The following CNTNAP2 variants were observed in gnomAD, a reference collection of about 807,000 sequenced individuals.
The protein encoded by CNTNAP2 is contactin-associated protein-like 2.
A neutral mutation model predicts 155.2 loss-of-function variants in CNTNAP2; 98 were observed. The ratio of observed to expected loss-of-function variants is 0.63; its 90% CI spans 0.54 to 0.75. CNTNAP2 has a LOEUF of 0.75. Ranked by LOEUF, CNTNAP2 falls within the 30% of genes least tolerant of loss-of-function variation. CNTNAP2 has a pLI of 0.00. For missense variants in CNTNAP2, 1,727 were observed against 1,688.1 expected, an observed-to-expected ratio of 1.02 and a Z score of -0.40; for synonymous variants, 651 against 631.2, an observed-to-expected ratio of 1.03 and a Z score of -0.47.
chr7:147,829,289 T>A (rs555288033), intron 13 of CNTNAP2, among the ~76,000 whole-genome samples: 36 of 152,298 alleles, frequency 2.4e-4, no homozygotes, highest in African/African-American at 8.7e-4. Flanking sequence ...AAATCAATCA[T>A]GCCACAGGAG....
At chr7:146,684,337 A>G (rs1156254391) in intron 1 of CNTNAP2, among the ~76,000 whole-genome samples, 1 of 152,136 alleles carries the variant, frequency 6.6e-6, no homozygotes, top group Non-Finnish European at 1.5e-5. Flanking sequence ...TGAGAATAAA[A>G]CAAAAATTCC....
chr7:147,462,247 C>T (rs1164579993), intron 10 of CNTNAP2, among the ~76,000 whole-genome samples: 2 of 152,138 alleles, frequency 1.3e-5, no homozygotes, highest in Non-Finnish European at 1.5e-5. Flanking sequence ...CCTGCCCATG[C>T]GTCTACGAAA....
At chr7:147,333,235 T>A (rs988314980) in intron 9 of CNTNAP2, among the ~76,000 whole-genome samples, 3 of 152,146 alleles carry the variant, frequency 2.0e-5, no homozygotes, top group Non-Finnish European at 4.4e-5. Flanking sequence ...GGCATAGTGA[T>A]GACTACAGAG....
chr7:147,862,592 A>G (rs1166202746), intron 13 of CNTNAP2, among the ~76,000 whole-genome samples: 2 of 151,712 alleles, frequency 1.3e-5, no homozygotes, highest in Non-Finnish European at 2.9e-5. Context: ...TTACATTAGC[A>G]CTCAGCTTTG....
chr7:146,368,160 T>C (rs1465118940), intron 1 of CNTNAP2, among the ~76,000 whole-genome samples: 2 of 152,150 alleles, frequency 1.3e-5, no homozygotes, highest in African/African-American at 4.8e-5. Flanking sequence ...TATGTGTGTG[T>C]TTTCTCCCTT....
At chr7:147,191,334 G>A (rs185514400) in intron 8 of CNTNAP2, among the ~76,000 whole-genome samples, 23 of 152,280 alleles carry the variant, frequency 1.5e-4, no homozygotes, top group Admixed American at 5.2e-4. Flanking sequence ...TAACATTTGC[G>A]TTAAAGTTAA....
chr7:147,495,467 C>A (rs7780096), intron 11 of CNTNAP2, among the ~76,000 whole-genome samples: 7 of 151,998 alleles, frequency 4.6e-5, no homozygotes, highest in Admixed American at 2.6e-4. Context: ...CACCACTGCC[C>A]TGTTTCATTA....
At chr7:146,651,786 G>A (rs1799916306) in intron 1 of CNTNAP2, among the ~76,000 whole-genome samples, 1 of 152,122 alleles carries the variant, frequency 6.6e-6, no homozygotes, top group South Asian at 2.1e-4. Flanking sequence ...GAGATAGTGT[G>A]TCACCAATGC....
chr7:147,941,312 C>T (rs1251222976), intron 14 of CNTNAP2, among the ~76,000 whole-genome samples: 1 of 152,152 alleles, frequency 6.6e-6, no homozygotes. Context: ...AACAAAATGG[C>T]AGCCGAGGGT....
At chr7:148,387,511 A>G (rs1799239158) in intron 22 of CNTNAP2, among the ~76,000 whole-genome samples, 1 of 152,152 alleles carries the variant, frequency 6.6e-6, no homozygotes, top group South Asian at 2.1e-4. Flanking sequence ...TTGGAAGTAG[A>G]TTATCTCATC....
At chr7:147,601,899 T>G (rs1463040857) in intron 12 of CNTNAP2, among the ~76,000 whole-genome samples, 4 of 151,948 alleles carry the variant, frequency 2.6e-5, no homozygotes, top group Non-Finnish European at 5.9e-5. Context: ...TTCCCCCTAT[T>G]TTAAGTTTAT....
chr7:148,157,469 C>T (rs765667011), intron 17 of CNTNAP2, among the ~76,000 whole-genome samples: 1 of 149,818 alleles, frequency 6.7e-6, no homozygotes, highest in Non-Finnish European at 1.5e-5. Context: ...TAAACTTTCT[C>T]CAGAATTCTT....
chr7:147,982,303 G>GC (rs1801544902), intron 15 of CNTNAP2, among the ~76,000 whole-genome samples: 1 of 13,648 alleles, frequency 7.3e-5, no homozygotes, highest in African/African-American at 5.8e-4. Context: ...CATAGGAAAG[G>GC]TTTAAAAAAA....
intron 18 of CNTNAP2, among the ~76,000 whole-genome samples, chr7:148,174,114 T>C (rs1397643694): frequency 6.6e-6 from 1 of 152,216 alleles, no homozygotes; most frequent in Admixed American, 6.5e-5. Flanking sequence ...TATTTCCTTA[T>C]TATCTGTTTA....
Position 147,766,585 on chromosome 7 carries a change from T to C in CNTNAP2, c.2098+127279T>C, listed in dbSNP as rs189034515. On this transcript the variant is annotated intron_variant, in intron 13 of 23. Transcript: ENST00000361727. ...TCATTTATTGACATCATTGGAACTTTCTGGATTGTTTAGTGTGCCTATGGT... is the reference window on the plus strand; with the variant it reads ...TCATTTATTGACATCATTGGAACTTCCTGGATTGTTTAGTGTGCCTATGGT... Among the ~76,000 whole-genome samples the C allele has an allele frequency of 1.8e-3, 275 of 151,964 alleles. 1 individual carries two copies. Among genetic ancestry groups the C allele is most frequent in the African/African-American group, 6.4e-3 (263 of 41,294 alleles).
chr7:146,885,973 G>A lies in CNTNAP2; in HGVS notation c.402+46069G>A, dbSNP rs548434185. Among the ~76,000 whole-genome samples, 33 of 106,412 alleles carry A rather than the reference G, an allele frequency of 3.1e-4. No homozygotes were observed. The South Asian group carries it at 9.5e-3, about 31-fold the overall frequency. The allele number at this position is 106,412 out of a possible 152,430, so 69.8% of individuals were successfully genotyped here. A position where few individuals can be genotyped will look rare whatever the true frequency, so the allele number is the denominator to read the frequency against. On this transcript the variant is annotated intron_variant, in intron 3 of 23. Transcript: ENST00000361727. ...TGTGTGTGTGTGTGTGTGTGTGTGT[G>A]TATGTGCTTTCCCTTTACATTTTTA...
intron 8 of CNTNAP2, among the ~76,000 whole-genome samples, chr7:147,202,853 A>T (rs983701747): frequency 1.5e-4 from 7 of 46,528 alleles, no homozygotes; most frequent in East Asian, 1.2e-3. Context: ...AGTATAATTA[A>T]AAAAAAATAT....
At chr7:146,897,189 T>TA (rs1024753415) in intron 3 of CNTNAP2, among the ~76,000 whole-genome samples, 11 of 152,154 alleles carry the variant, frequency 7.2e-5, no homozygotes, top group African/African-American at 2.7e-4. Context: ...AGCCCATCAT[T>TA]ACACTGAGAT....
chr7:147,900,929 A>T (rs2710114), intron 13 of CNTNAP2, among the ~76,000 whole-genome samples: 1 of 151,998 alleles, frequency 6.6e-6, no homozygotes, highest in African/African-American at 2.4e-5. Context: ...GACTTCTACA[A>T]TCAATTTGTA....
Sources: allele counts gnomAD v4.1 joint callset (sites outside exome capture counted in the v4.1 genomes callset), GRCh38; gene constraint gnomAD v4.1.1; transcripts MANE v1.5; gene names NCBI Gene and HGNC (gene_info 2026-07-23, HGNC 2026-07-21).